The following TRANK1 variants were observed in gnomAD, a reference collection of about 807,000 sequenced individuals.
TRANK1 encodes the protein TPR and ankyrin repeat-containing protein 1.
In TRANK1, 198 loss-of-function variants were observed where a neutral mutation model predicts 266.0. That is an observed-to-expected ratio of 0.74 (90% CI 0.66 to 0.84). The LOEUF (loss-of-function observed/expected upper bound fraction) is 0.84. Among genes scored for constraint, TRANK1 ranks in the 40% least tolerant of loss-of-function variants. TRANK1 has a pLI of 0.00. For missense variants in TRANK1, 3,326 were observed against 3,634.6 expected (o/e 0.92, Z 2.18); for synonymous variants, 1,396 against 1,384.1 (o/e 1.01, Z -0.19).
In TRANK1 at chr3:36,945,010, C is replaced by G; in HGVS notation, c.-201G>C. 3 of 483,714 alleles carry G rather than the reference C, an allele frequency of 6.2e-6. No individual in the cohort carries two copies. The highest frequency in any genetic ancestry group is 1.1e-5 in the Non-Finnish European group (3 of 281,032). 30.0% of individuals were successfully genotyped at this position (483,714 alleles called of 1,614,324 possible). On this transcript the variant is annotated 5_prime_UTR_variant, in exon 1 of 24. Coordinates refer to ENST00000645898, the MANE Select transcript of TRANK1 (RefSeq NM_001329998.2). ...CCGCGATCAGAGGGGGCGGGGGACG[C>G]AGGAACCCCGGCGTCCGGGCGGTGT...
chr3:36,879,831 T>TAAACATAC (rs1282713850), intron 8 of TRANK1, among the ~76,000 whole-genome samples: 2 of 109,018 alleles, frequency 1.8e-5, no homozygotes, highest in Admixed American at 9.9e-5. Flanking sequence ...CAAATATATG[T>TAAACATAC]AAATATACAA....
At position 36,833,069 on chromosome 3, in the gene TRANK1, G is replaced by C. The variant is rs1400057554; in HGVS notation, c.6514C>G (p.Leu2172Val). The C allele has an allele frequency of 1.2e-6, 2 of 1,612,810 alleles. No individual in the cohort carries two copies. The highest frequency in any genetic ancestry group is 1.6e-4 in the Middle Eastern group (1 of 6,062). ...DQVKLALNKH[L>V]LGRLCQITRS... is the part of the protein sequence containing the mutation. ...GTGATCTGACACAGCCTGCCCAAAA[G>C]GTGTTTGTTTAGGGCTAATTTCACT... is the stretch of plus-strand genomic sequence containing the variant. The change falls in exon 22 of 24, where the codon CTT (leucine) becomes GTT (valine). Residue 2172 changes from leucine to valine, a missense_variant. By Grantham distance (32) the Leu-to-Val change is conservative. Transcript: ENST00000645898.
rs751150998 is a variant in TRANK1 at position 36,833,673 on chromosome 3, C to A, written c.5910G>T (p.Lys1970Asn). The change falls in exon 22 of 24, where the codon AAG (lysine) becomes AAT (asparagine). Residue 1970 changes from lysine (K) to asparagine (N), a missense_variant. Physicochemically the swap from Lys to Asn is moderately conservative, Grantham distance 94. Transcript: ENST00000645898. ...GRREEAALLM[K>N]QHGCLLEAAR... ...CAGCCTCCAGGAGGCAGCCATGTTGCTTCATCAGCAGGGCAGCCTCTTCTC... is the reference window on the plus strand; with the variant it reads ...CAGCCTCCAGGAGGCAGCCATGTTGATTCATCAGCAGGGCAGCCTCTTCTC... 1 of 1,614,014 alleles carries A rather than the reference C, an allele frequency of 6.2e-7. No homozygotes were observed. Among genetic ancestry groups the A allele is most frequent in the Non-Finnish European group, 8.5e-7 (1 of 1,179,880 alleles).
At position 36,857,243 on chromosome 3, in the gene TRANK1, G is replaced by A. The variant is rs769669680; in HGVS notation, c.2479C>T (p.Gln827Ter). 6.2e-7 allele frequency: 1 copy of A among 1,613,046 alleles called. No individual in the cohort carries two copies. Among genetic ancestry groups the A allele is most frequent in the South Asian group, 1.1e-5 (1 of 90,960 alleles). Residue 827 changes from glutamine to a stop codon, truncating the protein, a stop_gained, in exon 13 of 24, where the codon CAG becomes TAG. Coordinates refer to ENST00000645898, the MANE Select transcript of TRANK1 (RefSeq NM_001329998.2). LOFTEE classifies it high-confidence loss of function. This position sits in a 1 kb window ranked among gnomAD's most constrained non-coding sequence, Gnocchi z 4.3. ...TCCCAGGTCATGTTATCGAAGTCCT[G>A]GAGGCAGGCCTCAATCTCCTGCGTG... The part of the protein sequence containing the change: ...WSTQEIEACL[Q>*]DFDNMTWEIE...
rs572516072 is a variant in TRANK1 at position 36,944,858 on chromosome 3, G to T, written c.-49C>A. ...CAGGACCGCCGCCGCCTGGGGAAGCGCTTCCCTGTGGGCAGGGCGCGGCGG... is the reference window on the plus strand; with the variant it reads ...CAGGACCGCCGCCGCCTGGGGAAGCTCTTCCCTGTGGGCAGGGCGCGGCGG... On this transcript the variant is annotated 5_prime_UTR_variant, in exon 1 of 24. Coordinates refer to ENST00000645898, the MANE Select transcript of TRANK1 (RefSeq NM_001329998.2). 14,577 of 1,432,936 alleles carry T rather than the reference G, an allele frequency of 0.01. 94 individuals are homozygous for T. Among genetic ancestry groups the T allele is most frequent in the Middle Eastern group, 0.012 (50 of 4,092 alleles). The allele number at this position is 1,432,936 out of a possible 1,614,324, so 88.8% of individuals were successfully genotyped here.
rs780569592 is a variant in TRANK1 at position 36,856,368 on chromosome 3, C to T, written c.3354G>A (p.Arg1118=). ...LLAKQVWLKR[R]LEVEPGKESP... is the part of the protein sequence containing the mutation. ...TCTCTTTTCCGGGTTCCACTTCCAA[C>T]CTTCTCTTCAGCCAGACCTGTTTGG... The change falls in exon 13 of 24, where the codon AGG becomes AGA. Residue 1118 remains arginine, a synonymous_variant. Coordinates refer to ENST00000645898, the MANE Select transcript of TRANK1 (RefSeq NM_001329998.2). The T allele has an allele frequency of 1.4e-5, 22 of 1,586,656 alleles. No homozygotes were observed. The highest frequency in any genetic ancestry group is 1.8e-5 in the Admixed American group (1 of 54,200).
At chr3:36,851,620 A>G in intron 15 of TRANK1, 99 bp downstream of exon 15, 3 of 1,409,448 alleles carry the variant, frequency 2.1e-6, no homozygotes, top group Non-Finnish European at 2.8e-6. Flanking sequence ...GGAGCCTGTG[A>G]TAAACTCTCT....
chr3:36,831,252 G>T lies in TRANK1; in HGVS notation c.8331C>A (p.Thr2777=). 1 of 1,613,374 alleles carries T rather than the reference G, an allele frequency of 6.2e-7. No individual in the cohort carries two copies. The highest frequency in any genetic ancestry group is 1.1e-5 in the South Asian group (1 of 91,078). The stretch of plus-strand genomic sequence containing the variant: ...GGCTGAAATAGTTCTCTGGGCCACG[G>T]GTAAACTTCACTCCACATAGGTCAC... ...TQCDLCGVKF[T]RGPENYFSPS... is the part of the protein sequence containing the mutation. Residue 2777 remains threonine (T), a synonymous_variant, in exon 22 of 24, where the codon ACC becomes ACA. Coordinates refer to ENST00000645898, the MANE Select transcript of TRANK1 (RefSeq NM_001329998.2). The surrounding 1 kb of genome is among the most constrained non-coding windows in gnomAD (Gnocchi z 5.0).
chr3:36,853,012 A>G (rs757666555), intron 13 of TRANK1, among the ~76,000 whole-genome samples: 33 of 152,112 alleles, frequency 2.2e-4, no homozygotes, highest in Non-Finnish European at 4.3e-4. Context: ...ACTAAGAAAA[A>G]ATGTCAGAGC....
Position 36,926,233 on chromosome 3 carries a change from G to A in TRANK1, c.24-17779C>T, listed in dbSNP as rs114388758. 5.0e-3 allele frequency among the ~76,000 whole-genome samples: 757 copies of A among 151,722 alleles called. 2 individuals carry two copies. Among genetic ancestry groups the A allele is most frequent in the African/African-American group, 0.017 (713 of 41,318 alleles). The stretch of plus-strand genomic sequence containing the variant: ...CCTAAACATGGCTCTGTTTTTATTC[G>A]TCTATCATGGCTAACTATTGTCTCA... On this transcript the variant is annotated intron_variant, in intron 1 of 23. Transcript: ENST00000645898.
In TRANK1 at chr3:36,857,390, C is replaced by A. The variant is rs2079072701; in HGVS notation, c.2332G>T (p.Ala778Ser). The A allele has an allele frequency of 6.2e-7, 1 of 1,611,782 alleles. No individual in the cohort carries two copies. The highest frequency in any genetic ancestry group is 8.5e-7 in the Non-Finnish European group (1 of 1,178,734). Residue 778 changes from alanine (A) to serine (S), a missense_variant, in exon 13 of 24, where the codon GCA becomes TCA. Transcript: ENST00000645898. The surrounding 1 kb of genome is among the most constrained non-coding windows in gnomAD (Gnocchi z 4.3). The part of the protein sequence containing the change: ...GKKDDKPTLG[A>S]GAPDCSEVGE... ...ACCTCACTACAGTCAGGGGCCCCTG[C>A]ACCCAGAGTCGGCTTGTCATCTTTC...
intron 1 of TRANK1, among the ~76,000 whole-genome samples, chr3:36,925,991 C>T (rs1291350736): frequency 1.1e-4 from 17 of 152,102 alleles, no homozygotes. Context: ...AATATTGATG[C>T]TTTTATAAGG....
intron 10 of TRANK1, 143 bp from the exon 11 acceptor site, chr3:36,861,303 C>T (rs2125552933): frequency 5.9e-6 from 6 of 1,013,210 alleles, no homozygotes; most frequent in Non-Finnish European, 8.4e-6. Flanking sequence ...TGCTTAACCA[C>T]TCATGAACAT....
At chr3:36,926,622 A>G (rs934463172) in intron 1 of TRANK1, among the ~76,000 whole-genome samples, 10 of 152,328 alleles carry the variant, frequency 6.6e-5, no homozygotes, top group African/African-American at 2.2e-4. Flanking sequence ...CAAGCCCATT[A>G]TAGTTACATC....
rs1273994315 is a variant in TRANK1 at position 36,908,294 on chromosome 3, AAAGAT to A, written c.155+24_155+28del. The A allele has an allele frequency of 3.2e-5, 39 of 1,232,086 alleles. No individual in the cohort carries two copies. The East Asian group carries it at 1.2e-3, about 37-fold the overall frequency. 76.3% of individuals were successfully genotyped at this position (1,232,086 alleles called of 1,614,324 possible). On this transcript the variant is annotated intron_variant, in intron 2 of 23. Transcript: ENST00000645898. Reference sequence around the variant, plus strand: ...ACAGAGTCCCATGTACTGAAAAAGAAAAGATGAGGTGAAAATGCAAACACTTACCC... The same window carrying A: ...ACAGAGTCCCATGTACTGAAAAAGAAGAGGTGAAAATGCAAACACTTACCC...
At chr3:36,921,711 A>G (rs929289513) in intron 1 of TRANK1, among the ~76,000 whole-genome samples, 1 of 152,232 alleles carries the variant, frequency 6.6e-6, no homozygotes, top group African/African-American at 2.4e-5. Context: ...GAATCTAGAA[A>G]AACATAAGTA....
intron 5 of TRANK1, among the ~76,000 whole-genome samples, chr3:36,894,689 C>A (rs568863635): frequency 6.6e-6 from 1 of 152,302 alleles, no homozygotes; most frequent in South Asian, 2.1e-4. Flanking sequence ...CGATTTCCAA[C>A]AGAATCCATT....
intron 15 of TRANK1, chr3:36,851,238 G>A (rs1575201123): frequency 1.0e-6 from 1 of 986,180 alleles, no homozygotes; most frequent in East Asian, 1.1e-4. Flanking sequence ...ATGCAAGGAA[G>A]CTGTTCTTGT....
rs866073914 is a variant in TRANK1, at chr3:36,879,671, T to C, written c.908-5375A>G. 1.4e-4 allele frequency among the ~76,000 whole-genome samples: 10 copies of C among 71,718 alleles called. 1 individual carries two copies. Among genetic ancestry groups the C allele is most frequent in the Admixed American group, 6.0e-4 (3 of 5,034 alleles). 47.0% of individuals were successfully genotyped at this position (71,718 alleles called of 152,430 possible). ...ATATATATAAATATATAAATATATATAAATATATAAATATATAAATATATA... is the reference window on the plus strand; with the variant it reads ...ATATATATAAATATATAAATATATACAAATATATAAATATATAAATATATA... On this transcript the variant is annotated intron_variant, in intron 8 of 23. Coordinates refer to ENST00000645898, the MANE Select transcript of TRANK1 (RefSeq NM_001329998.2).
Sources: gnomAD v4.1 joint callset for allele counts (sites outside exome capture counted in the v4.1 genomes callset) on GRCh38, gnomAD v4.1.1 for gene constraint, Gnocchi (gnomAD v3.1) non-coding constraint, MANE v1.5 for transcripts, NCBI Gene and HGNC (gene_info 2026-07-23, HGNC 2026-07-21) for gene names.